The following AP3S1 variants were observed in gnomAD, a reference collection of about 807,000 sequenced individuals.
The protein encoded by AP3S1 is adaptor related protein complex 3 subunit sigma 1.
AP3S1 carries 12 observed loss-of-function variants against 21.3 expected under a neutral mutation model. That is an observed-to-expected ratio of 0.56 (90% CI 0.36 to 0.91). AP3S1 has a LOEUF of 0.91. Ranked by LOEUF, AP3S1 falls within the 40% of genes least tolerant of loss-of-function variation. The probability of loss-of-function intolerance (pLI) is 0.01; values close to 1 mark genes in which losing one functional copy is unlikely to be tolerated. For missense variants in AP3S1, 116 were observed against 225.0 expected, an observed-to-expected ratio of 0.52 and a Z score of 3.10; for synonymous variants, 48 against 78.4, an observed-to-expected ratio of 0.61 and a Z score of 2.05.
chr5:115,879,592 C>T (rs1269212805), intron 3 of AP3S1, among the ~76,000 whole-genome samples: 2 of 152,084 alleles, frequency 1.3e-5, no homozygotes, highest in East Asian at 1.9e-4. Flanking sequence ...CTGCTAGATT[C>T]GGTTTGCCAG....
chr5:115,894,520 G>A (rs1296739122), intron 3 of AP3S1, among the ~76,000 whole-genome samples: 1 of 152,176 alleles, frequency 6.6e-6, no homozygotes, highest in Admixed American at 6.5e-5. Context: ...CCATTTATGG[G>A]AATGTGCAGA....
intron 1 of AP3S1, among the ~76,000 whole-genome samples, chr5:115,843,847 G>A (rs1304851697): frequency 6.6e-6 from 1 of 152,274 alleles, no homozygotes; most frequent in South Asian, 2.1e-4. Flanking sequence ...TCCAAAAGTG[G>A]GAACAGAAGT....
chr5:115,847,049 A>C (rs1036486138), intron 1 of AP3S1, among the ~76,000 whole-genome samples: 1 of 152,162 alleles, frequency 6.6e-6, no homozygotes, highest in Non-Finnish European at 1.5e-5. Flanking sequence ...ACTATTATCC[A>C]AAGGCTGTTT....
chr5:115,888,148 GTAGT>G (rs1749960313), intron 3 of AP3S1, among the ~76,000 whole-genome samples: 2 of 152,040 alleles, frequency 1.3e-5, no homozygotes, highest in South Asian at 4.1e-4. Flanking sequence ...CTACTCAGTA[GTAGT>G]TAGATACCTG....
chr5:115,895,969 G>A (rs564842416), intron 4 of AP3S1, among the ~76,000 whole-genome samples: 11 of 152,268 alleles, frequency 7.2e-5, no homozygotes, highest in African/African-American at 2.6e-4. Flanking sequence ...ACGGAACTTA[G>A]GAGGAAGAGA....
chr5:115,904,937 G>A (rs1210330670), intron 5 of AP3S1, among the ~76,000 whole-genome samples: 1 of 152,026 alleles, frequency 6.6e-6, no homozygotes, highest in East Asian at 1.9e-4. Flanking sequence ...AAAAAATATT[G>A]ACCAGTTGTC....
intron 4 of AP3S1, among the ~76,000 whole-genome samples, chr5:115,900,857 T>C (rs1044176717): frequency 7.9e-5 from 12 of 152,200 alleles, no homozygotes; most frequent in Admixed American, 3.9e-4. Context: ...TTAAAAATCA[T>C]TGACCACTTC....
At chr5:115,851,307 G>C (rs1762422916) in intron 1 of AP3S1, among the ~76,000 whole-genome samples, 1 of 152,154 alleles carries the variant, frequency 6.6e-6, no homozygotes, top group Admixed American at 6.5e-5. Context: ...ATATCTGTTT[G>C]AGTGCCTGCT....
intron 3 of AP3S1, among the ~76,000 whole-genome samples, chr5:115,885,828 G>A (rs192647062): frequency 3.0e-4 from 46 of 152,256 alleles, no homozygotes; most frequent in Middle Eastern, 3.4e-3. Flanking sequence ...TTTAAAGAAT[G>A]GTGTGAAAAG....
At chr5:115,875,793 T>G (rs1748663583) in intron 3 of AP3S1, among the ~76,000 whole-genome samples, 1 of 152,240 alleles carries the variant, frequency 6.6e-6, no homozygotes, top group African/African-American at 2.4e-5. Flanking sequence ...GTTTCTCATG[T>G]ATTTTTGGGC....
At chr5:115,871,016 A>T (rs975969428) in intron 3 of AP3S1, among the ~76,000 whole-genome samples, 2 of 152,220 alleles carry the variant, frequency 1.3e-5, no homozygotes, top group African/African-American at 4.8e-5. Flanking sequence ...AGTGGATTAA[A>T]TGACAGATGA....
At chr5:115,899,852 A>G (rs918890414) in intron 4 of AP3S1, among the ~76,000 whole-genome samples, 2 of 152,138 alleles carry the variant, frequency 1.3e-5, no homozygotes, top group African/African-American at 4.8e-5. Context: ...ATTGAGAGAA[A>G]GAAGAATGAG....
At chr5:115,897,361 A>C (rs560477816) in intron 4 of AP3S1, among the ~76,000 whole-genome samples, 1 of 152,300 alleles carries the variant, frequency 6.6e-6, no homozygotes, top group South Asian at 2.1e-4. Context: ...CAAGGCAAGG[A>C]GACAAAAGTT....
intron 1 of AP3S1, among the ~76,000 whole-genome samples, chr5:115,862,019 G>A (rs1763235155): frequency 6.6e-6 from 1 of 151,832 alleles, no homozygotes; most frequent in Admixed American, 6.6e-5. Context: ...TCATATTTAA[G>A]GGCGTGGTTC....
chr5:115,894,371 A>C (rs1197252960), intron 3 of AP3S1, among the ~76,000 whole-genome samples: 1 of 152,208 alleles, frequency 6.6e-6, no homozygotes, highest in Non-Finnish European at 1.5e-5. Flanking sequence ...AAATCACATT[A>C]TTAACATGAA....
chr5:115,854,791 A>G (rs1340457146), intron 1 of AP3S1, among the ~76,000 whole-genome samples: 2 of 150,282 alleles, frequency 1.3e-5, no homozygotes, highest in Non-Finnish European at 3.0e-5. Flanking sequence ...CATACTCCCC[A>G]TTCTCTATAT....
In AP3S1 at chr5:115,884,100, T is replaced by A. The variant is rs574247565; in HGVS notation, c.274-10987T>A. 8.5e-5 allele frequency among the ~76,000 whole-genome samples: 13 copies of A among 152,280 alleles called. No homozygotes were observed. In the South Asian group the frequency reaches 1.7e-3, roughly 19 times the overall value. On this transcript the variant is annotated intron_variant, in intron 3 of 5. Transcript: ENST00000316788. ...AACCATGTTTATCACTTTGCACAGT[T>A]CAGTGGTTGCTGAGATCTATTAATG...
At chr5:115,885,698 C>G (rs980572795) in intron 3 of AP3S1, among the ~76,000 whole-genome samples, 1 of 152,214 alleles carries the variant, frequency 6.6e-6, no homozygotes, top group African/African-American at 2.4e-5. Context: ...ACTTTACCAG[C>G]TATCTAGGCG....
chr5:115,880,412 T>C (rs762411468), intron 3 of AP3S1, among the ~76,000 whole-genome samples: 23 of 152,210 alleles, frequency 1.5e-4, no homozygotes, highest in Admixed American at 2.6e-4. Context: ...TTTGTTCTCA[T>C]TGGTTTCAAA....
Sources: allele counts gnomAD v4.1 joint callset (sites outside exome capture counted in the v4.1 genomes callset), GRCh38; gene constraint gnomAD v4.1.1; transcripts MANE v1.5; gene names NCBI Gene and HGNC (gene_info 2026-07-23, HGNC 2026-07-21).